The following CIZ1 variants were observed in gnomAD, a reference collection of about 807,000 sequenced individuals.
CIZ1 encodes CDKN1A interacting zinc finger protein 1.
In CIZ1, 58 loss-of-function variants were observed where a neutral mutation model predicts 118.6. The observed-to-expected ratio is 0.49, with a 90% CI of 0.40 to 0.61. The LOEUF is 0.61. CIZ1 is among the 20% of genes least tolerant of loss of function. The pLI, the probability that CIZ1 is intolerant of heterozygous loss-of-function variation, is 0.00. For missense variants in CIZ1, 921 were observed against 1,115.9 expected (o/e 0.83, Z 2.49); for synonymous variants, 448 against 443.4 (o/e 1.01, Z -0.13).
chr9:128,170,411 A>C (rs1423348340), intron 11 of CIZ1, among the ~76,000 whole-genome samples: 1 of 152,260 alleles, frequency 6.6e-6, no homozygotes, highest in African/African-American at 2.4e-5. Context: ...GAAAGAATGG[A>C]AAGTCCTAAA....
intron 5 of CIZ1, among the ~76,000 whole-genome samples, chr9:128,181,273 G>A (rs1405457650): frequency 3.3e-5 from 5 of 152,056 alleles, no homozygotes; most frequent in African/African-American, 4.8e-5. Context: ...ACGCCACCAC[G>A]CCTGGCTAAT....
At position 128,187,923 on chromosome 9, in the gene CIZ1, A is replaced by T. The variant is rs1348935370; in HGVS notation, c.298T>A (p.Phe100Ile). The change falls in exon 4 of 17, where the codon TTT (phenylalanine) becomes ATT (isoleucine). Residue 100 changes from phenylalanine (F) to isoleucine (I), a missense_variant. By Grantham distance (21) the Phe-to-Ile change is conservative (BLOSUM62 0). Transcript: ENST00000372938. ...LLQQLQGLDQ[F>I]AMPPATYDTA... ...TCATACGTGGCTGGTGGCATTGCAA[A>T]CTGGTCCAGTCCTTTAGGAAAGCAA... The T allele has an allele frequency of 1.3e-6, 1 of 757,178 alleles. No individual in the cohort carries two copies. Among genetic ancestry groups the T allele is most frequent in the African/African-American group, 1.7e-5 (1 of 58,628 alleles). The allele number at this position is 757,178 out of a possible 1,614,324, so 46.9% of individuals were successfully genotyped here. A position where few individuals can be genotyped will look rare whatever the true frequency, so the allele number is the denominator to read the frequency against.
chr9:128,169,764 G>A, intron 12 of CIZ1: 1 of 1,487,452 alleles, frequency 6.7e-7, no homozygotes, highest in Non-Finnish European at 9.1e-7. Flanking sequence ...AGACGAGAGA[G>A]AGGGCAGCTG....
At chr9:128,183,613 C>T (rs1274458697) in intron 5 of CIZ1, among the ~76,000 whole-genome samples, 2 of 152,238 alleles carry the variant, frequency 1.3e-5, no homozygotes, top group East Asian at 3.8e-4. Flanking sequence ...AGATCTCCTG[C>T]TTATGCCAGG....
Position 128,166,149 on chromosome 9 carries a change from A to G in CIZ1, c.*48T>C. ...GTTTCCAGGCAGACTCCTAAAAAGC[A>G]TTAGCAGATCTGGACCCAGGCAGGC... On this transcript the variant is annotated 3_prime_UTR_variant, in exon 17 of 17. Coordinates refer to ENST00000372938, the MANE Select transcript of CIZ1 (RefSeq NM_001131016.2). The surrounding 1 kb of genome is among the most constrained non-coding windows in gnomAD (Gnocchi z 4.4). 7.9e-7 allele frequency: 1 copy of G among 1,270,808 alleles called. No homozygotes were observed. Among genetic ancestry groups the G allele is most frequent in the Non-Finnish European group, 1.1e-6 (1 of 947,648 alleles). The allele number at this position is 1,270,808 out of a possible 1,614,324, so 78.7% of individuals were successfully genotyped here.
intron 4 of CIZ1, among the ~76,000 whole-genome samples, chr9:128,186,908 C>A (rs1019781902): frequency 2.6e-5 from 4 of 151,522 alleles, no homozygotes; most frequent in African/African-American, 9.7e-5. Context: ...TATTCTAGGA[C>A]GAGCTACATA....
In CIZ1 at chr9:128,203,497, C is replaced by G. The variant is rs1370018378; in HGVS notation, c.-6+689G>C. 6.5e-7 allele frequency: 1 copy of G among 1,531,872 alleles called. No individual in the cohort carries two copies. The highest frequency in any genetic ancestry group is 2.0e-5 in the Admixed American group (1 of 49,290). The allele number at this position is 1,531,872 out of a possible 1,614,324, so 94.9% of individuals were successfully genotyped here. A position where few individuals can be genotyped will look rare whatever the true frequency, so the allele number is the denominator to read the frequency against. On this transcript the variant is annotated intron_variant, in intron 1 of 17. Coordinates refer to the CIZ1 transcript ENST00000372948. The surrounding 1 kb of genome is among the most constrained non-coding windows in gnomAD (Gnocchi z 5.3). ...TGGGCAACCGCGGCATGGAAGATCT[C>G]ATCCCGCTGGTCAACCGGCTGCAAG...
intron 13 of CIZ1, 21 bp downstream of exon 13, chr9:128,169,385 C>G (rs754683438): frequency 6.9e-6 from 11 of 1,598,620 alleles, no homozygotes; most frequent in Non-Finnish European, 9.4e-6. Flanking sequence ...GGCCCATGTC[C>G]TCTGAGGGAG....
chr9:128,191,954 C>T (rs1388039514), upstream of CIZ1: 4 of 1,393,916 alleles, frequency 2.9e-6, no homozygotes, highest in Non-Finnish European at 3.7e-6. This position sits in a 1 kb window ranked among gnomAD's most constrained non-coding sequence, Gnocchi z 5.5. Flanking sequence ...TCGAGGGACC[C>T]AGGCCAGGCG....
upstream of CIZ1, chr9:128,191,875 C>T: frequency 6.9e-7 from 1 of 1,457,378 alleles, no homozygotes; most frequent in Non-Finnish European, 9.1e-7. This position sits in a 1 kb window ranked among gnomAD's most constrained non-coding sequence, Gnocchi z 5.5. Context: ...CCGCCGCGGT[C>T]CTGCGATCCT....
At chr9:128,172,941 T>C (rs1830322845) in intron 11 of CIZ1, among the ~76,000 whole-genome samples, 1 of 152,164 alleles carries the variant, frequency 6.6e-6, no homozygotes, top group Admixed American at 6.6e-5. Flanking sequence ...GGACATTTAC[T>C]GTCCTCAGTA....
chr9:128,190,556 C>T (rs2131027299), intron 2 of CIZ1, 112 bp from the exon 3 acceptor site: 2 of 1,375,944 alleles, frequency 1.5e-6, no homozygotes, highest in Non-Finnish European at 1.0e-6. Context: ...CAGAGGACCC[C>T]TTGGGGCTGG....
chr9:128,196,724 C>T (rs1833385350), upstream of CIZ1: 1 of 152,202 alleles, frequency 6.6e-6, no homozygotes, highest in Admixed American at 6.6e-5. Flanking sequence ...CTGCCTCAGC[C>T]TCCTGAGTGG....
intron 5 of CIZ1, among the ~76,000 whole-genome samples, chr9:128,181,888 C>T (rs1396028696): frequency 2.0e-5 from 3 of 152,198 alleles, no homozygotes; most frequent in Non-Finnish European, 4.4e-5. Context: ...CTAACCGTCT[C>T]CCTGTGATGC....
Position 128,191,459 on chromosome 9 carries a change from C to A in CIZ1, c.-33G>T. On this transcript the variant is annotated 5_prime_UTR_variant, in exon 1 of 17. Coordinates refer to ENST00000372938, the MANE Select transcript of CIZ1 (RefSeq NM_001131016.2). This position sits in a 1 kb window ranked among gnomAD's most constrained non-coding sequence, Gnocchi z 5.5. The stretch of plus-strand genomic sequence containing the variant: ...CGCCTCCCCGCGCGCCCTCAACGCT[C>A]AAGTCGCCCCCACGGATGGGCCGGC... 3 of 984,344 alleles carry A rather than the reference C, an allele frequency of 3.0e-6. No homozygotes were observed. In the South Asian group the frequency reaches 1.4e-4, roughly 45 times the overall value. The allele number at this position is 984,344 out of a possible 1,614,324, so 61.0% of individuals were successfully genotyped here.
In CIZ1 at chr9:128,166,131, G is replaced by T; in HGVS notation, c.*66C>A. ...AACATGAACCATGTCAAAGTTTCCA[G>T]GCAGACTCCTAAAAAGCATTAGCAG... On this transcript the variant is annotated 3_prime_UTR_variant, in exon 17 of 17. Coordinates refer to ENST00000372938, the MANE Select transcript of CIZ1 (RefSeq NM_001131016.2). This position sits in a 1 kb window ranked among gnomAD's most constrained non-coding sequence, Gnocchi z 4.4. 2 of 1,137,248 alleles carry T rather than the reference G, an allele frequency of 1.8e-6. No homozygotes were observed. Among genetic ancestry groups the T allele is most frequent in the Non-Finnish European group, 1.2e-6 (1 of 837,798 alleles). The allele number at this position is 1,137,248 out of a possible 1,614,324, so 70.4% of individuals were successfully genotyped here.
intron 14 of CIZ1, among the ~76,000 whole-genome samples, chr9:128,168,470 C>T (rs975747256): frequency 1.1e-4 from 16 of 149,814 alleles, no homozygotes; most frequent in African/African-American, 3.7e-4. Flanking sequence ...GAGCTGAGAT[C>T]GCACCATTGT....
chr9:128,188,148 TAAG>T (rs1300445788), intron 3 of CIZ1, among the ~76,000 whole-genome samples: 1 of 118,372 alleles, frequency 8.4e-6, no homozygotes, highest in Non-Finnish European at 1.7e-5. Context: ...GCCAAACAGC[TAAG>T]AAGGTTTAGA....
chr9:128,191,921 G>T, upstream of CIZ1: 3 of 1,433,992 alleles, frequency 2.1e-6, no homozygotes, highest in Non-Finnish European at 2.8e-6. The surrounding 1 kb of genome is among the most constrained non-coding windows in gnomAD (Gnocchi z 5.5). Flanking sequence ...GAGGGGGCGC[G>T]CAGTTGGCGG....
Sources: allele counts gnomAD v4.1 joint callset (sites outside exome capture counted in the v4.1 genomes callset), GRCh38; gene constraint gnomAD v4.1.1; non-coding constraint Gnocchi (gnomAD v3.1); transcripts MANE v1.5; gene names NCBI Gene and HGNC (gene_info 2026-07-23, HGNC 2026-07-21).